The following CALN1 variants were observed in gnomAD, a reference collection of about 807,000 sequenced individuals.
The protein encoded by CALN1 is calcium-binding protein 8.
A neutral mutation model predicts 30.6 loss-of-function variants in CALN1; 17 were observed. That is an observed-to-expected ratio of 0.56 (90% CI 0.38 to 0.83). The LOEUF (loss-of-function observed/expected upper bound fraction) is 0.83. CALN1 is among the 40% of genes least tolerant of loss of function. The pLI is 0.00. For missense variants in CALN1, 291 were observed against 354.9 expected (o/e 0.82, Z 1.45); for synonymous variants, 156 against 131.4 (o/e 1.19, Z -1.28).
chr7:72,247,635 G>A (rs1482641435), intron 3 of CALN1, among the ~76,000 whole-genome samples: 1 of 152,140 alleles, frequency 6.6e-6, no homozygotes, highest in African/African-American at 2.4e-5. Flanking sequence ...TCCCCTGGTA[G>A]ACATCTGTAT....
chr7:71,936,056 T>C (rs1795812981), intron 5 of CALN1, among the ~76,000 whole-genome samples: 2 of 152,134 alleles, frequency 1.3e-5, no homozygotes. Context: ...CCCTGGAAGT[T>C]CTTCTCTGCA....
In CALN1 at chr7:71,904,263, G is replaced by A. The variant is rs151016193; in HGVS notation, c.502-93771C>T. Among the ~76,000 whole-genome samples the A allele has an allele frequency of 7.3e-3, 1,110 of 152,264 alleles. 14 individuals carry two copies. Among genetic ancestry groups the A allele is most frequent in the African/African-American group, 0.025 (1,048 of 41,546 alleles). On this transcript the variant is annotated intron_variant, in intron 5 of 6. Transcript: ENST00000395275. ...AATCTGCACTCCCTTGTTTGTTACA[G>A]CAGTATTCACAATTGCCAAAATATG...
At chr7:71,863,268 G>GA (rs548014439) in intron 5 of CALN1, among the ~76,000 whole-genome samples, 5 of 149,858 alleles carry the variant, frequency 3.3e-5, no homozygotes, top group Admixed American at 6.7e-5. Flanking sequence ...CTCTCTCTCA[G>GA]AAAAAAAGGC....
At chr7:71,874,190 G>A (rs73362155) in intron 5 of CALN1, among the ~76,000 whole-genome samples, 130 of 149,852 alleles carry the variant, frequency 8.7e-4, no homozygotes, top group African/African-American at 3.1e-3. Context: ...TATGAGAATC[G>A]CTAGAACTTG....
In CALN1 at chr7:71,855,878, C is replaced by T. The variant is rs138341586; in HGVS notation, c.502-45386G>A. Among the ~76,000 whole-genome samples, 462 of 152,280 alleles carry T rather than the reference C, an allele frequency of 3.0e-3. 1 individual carries two copies. The highest frequency in any genetic ancestry group is 0.01 in the African/African-American group (433 of 41,562). On this transcript the variant is annotated intron_variant, in intron 5 of 6. Coordinates refer to ENST00000395275, the MANE Select transcript of CALN1 (RefSeq NM_031468.4). ...TAGTGGGCATTAAGAGTCCTGACTA[C>T]ATGTGCATTGAATGCAGTGCTTTTT...
At chr7:72,221,308 GCTT>G (rs1434309248) in intron 3 of CALN1, among the ~76,000 whole-genome samples, 4 of 141,178 alleles carry the variant, frequency 2.8e-5, no homozygotes, top group Admixed American at 7.6e-5. Context: ...ACAAGTCTTG[GCTT>G]CTTTTTTTTT....
intron 5 of CALN1, among the ~76,000 whole-genome samples, chr7:71,969,827 ATT>A (rs35595164): frequency 1.7e-4 from 24 of 142,128 alleles, no homozygotes; most frequent in East Asian, 4.1e-4. Context: ...CTGTAGGACC[ATT>A]TTTTTTTTTT....
intron 5 of CALN1, among the ~76,000 whole-genome samples, chr7:71,977,830 G>C (rs767797675): frequency 6.6e-6 from 1 of 151,622 alleles, no homozygotes; most frequent in Non-Finnish European, 1.5e-5. Context: ...TAGTTGGGAG[G>C]TTGAGGAAGG....
At chr7:72,187,152 T>C (rs546875718) in intron 3 of CALN1, among the ~76,000 whole-genome samples, 3 of 152,288 alleles carry the variant, frequency 2.0e-5, no homozygotes, top group Admixed American at 6.5e-5. Context: ...ACTATTATTA[T>C]GACTCTTCTG....
At chr7:71,971,706 C>T (rs1797810108) in intron 5 of CALN1, among the ~76,000 whole-genome samples, 1 of 150,216 alleles carries the variant, frequency 6.7e-6, no homozygotes, top group East Asian at 2.0e-4. Flanking sequence ...GAGAACAGCC[C>T]GGGCAACATG....
At chr7:71,929,469 A>G (rs1487518384) in intron 5 of CALN1, among the ~76,000 whole-genome samples, 1 of 152,292 alleles carries the variant, frequency 6.6e-6, no homozygotes, top group South Asian at 2.1e-4. Context: ...ACATGATCTC[A>G]TTCCTTTTTA....
intron 4 of CALN1, among the ~76,000 whole-genome samples, chr7:72,052,677 C>T (rs967713917): frequency 3.9e-5 from 6 of 152,116 alleles, no homozygotes; most frequent in Non-Finnish European, 5.9e-5. Context: ...GCAGAGAAGG[C>T]GGATGGAAAT....
intron 6 of CALN1, among the ~76,000 whole-genome samples, chr7:71,801,500 G>T (rs1224909080): frequency 6.6e-6 from 1 of 150,494 alleles, no homozygotes; most frequent in African/African-American, 2.4e-5. Context: ...TGTTGCCCAG[G>T]TTGCAGGTTA....
At chr7:72,120,099 T>G (rs1042799801) in intron 3 of CALN1, among the ~76,000 whole-genome samples, 5 of 152,102 alleles carry the variant, frequency 3.3e-5, no homozygotes, top group African/African-American at 1.2e-4. Flanking sequence ...TTCCAGCCCT[T>G]GACCCCCAGT....
rs527444214 is a variant in CALN1 at position 71,916,686 on chromosome 7, A to C, written c.502-106194T>G. Among the ~76,000 whole-genome samples the C allele has an allele frequency of 1.1e-4, 17 of 152,186 alleles. No homozygotes were observed. In the East Asian group the frequency reaches 3.1e-3, roughly 28 times the overall value. ...CACCTGTGCTGGGGGAGGAGGAAAAACATCAGGAAGAATAGCTAATGGATG... is the reference window on the plus strand; with the variant it reads ...CACCTGTGCTGGGGGAGGAGGAAAACCATCAGGAAGAATAGCTAATGGATG... On this transcript the variant is annotated intron_variant, in intron 5 of 6. Coordinates refer to ENST00000395275, the MANE Select transcript of CALN1 (RefSeq NM_031468.4).
chr7:71,989,863 T>C (rs530160090), intron 5 of CALN1, among the ~76,000 whole-genome samples: 1 of 150,884 alleles, frequency 6.6e-6, no homozygotes, highest in Non-Finnish European at 1.5e-5. Flanking sequence ...GAGAAGAAAT[T>C]GAAAAGGGAA....
intron 2 of CALN1, among the ~76,000 whole-genome samples, chr7:72,316,540 A>G (rs1002973291): frequency 2.6e-5 from 4 of 152,128 alleles, no homozygotes; most frequent in African/African-American, 9.7e-5. Flanking sequence ...AACTGTCATC[A>G]ATGATTACCT....
chr7:71,949,599 C>T (rs759629578), intron 5 of CALN1, among the ~76,000 whole-genome samples: 6 of 151,618 alleles, frequency 4.0e-5, no homozygotes, highest in South Asian at 2.1e-4. Flanking sequence ...AGGGTGATCT[C>T]GAACTCCTGA....
chr7:72,146,815 A>C (rs550777747), intron 3 of CALN1, among the ~76,000 whole-genome samples: 4 of 152,296 alleles, frequency 2.6e-5, no homozygotes, highest in African/African-American at 9.6e-5. Context: ...AATAATCCAC[A>C]CATCTACAAC....
Sources: gnomAD v4.1 joint callset for allele counts (sites outside exome capture counted in the v4.1 genomes callset) on GRCh38, gnomAD v4.1.1 for gene constraint, MANE v1.5 for transcripts, NCBI Gene and HGNC (gene_info 2026-07-23, HGNC 2026-07-21) for gene names.